Variants in BICRAL observed in about 807,000 individuals in gnomAD.
BICRAL encodes the protein BICRA like chromatin remodeling complex associated protein.
In BICRAL, 8 loss-of-function variants were observed where a neutral mutation model predicts 91.8. The ratio of observed to expected loss-of-function variants is 0.09; its 90% CI spans 0.05 to 0.16. BICRAL has a LOEUF of 0.16. Among genes scored for constraint, BICRAL ranks in the 10% least tolerant of loss-of-function variants. The probability of loss-of-function intolerance (pLI) is 1.00; values close to 1 mark genes in which losing one functional copy is unlikely to be tolerated. For synonymous variants in BICRAL, 445 were observed against 491.1 expected, an observed-to-expected ratio of 0.91 and a Z score of 1.24; for missense variants, 1,038 against 1,310.9, an observed-to-expected ratio of 0.79 and a Z score of 3.21.
At chr6:42,826,525 G>T (rs952841418) in intron 5 of BICRAL, among the ~76,000 whole-genome samples, 1 of 151,632 alleles carries the variant, frequency 6.6e-6, no homozygotes, top group African/African-American at 2.4e-5. Context: ...GTGAGCAACT[G>T]TGCCCAGCCT....
rs139136134 is a variant in BICRAL, at chr6:42,762,439, A to G, written c.-261+15416A>G. ...TTATGAAAGCTTCGCTATCTGTGAA[A>G]TCTTCACTTTTGGGAACCACTAATC... is the stretch of plus-strand genomic sequence containing the variant. On this transcript the variant is annotated intron_variant, in intron 1 of 14. Transcript: ENST00000614467. Among the ~76,000 whole-genome samples, 775 of 152,330 alleles carry G rather than the reference A, an allele frequency of 5.1e-3. 2 individuals are homozygous for G. Among genetic ancestry groups the G allele is most frequent in the African/African-American group, 0.018 (735 of 41,576 alleles).
chr6:42,779,767 C>T (rs1762859732), upstream of BICRAL, among the ~76,000 whole-genome samples: 1 of 152,036 alleles, frequency 6.6e-6, no homozygotes, highest in Admixed American at 6.5e-5. Context: ...ACTACAGGTG[C>T]ATGCCACCAT....
At chr6:42,761,602 AAAAG>A (rs1195778488) in intron 1 of BICRAL, among the ~76,000 whole-genome samples, 2 of 152,128 alleles carry the variant, frequency 1.3e-5, no homozygotes, top group Non-Finnish European at 2.9e-5. Context: ...ATAATTTTAA[AAAAG>A]AAAGAAATAT....
intron 1 of BICRAL, among the ~76,000 whole-genome samples, chr6:42,787,076 A>C (rs1277549838): frequency 6.6e-6 from 1 of 152,238 alleles, no homozygotes; most frequent in Non-Finnish European, 1.5e-5. Context: ...CAAGATCGAT[A>C]GTATCTCAGG....
At chr6:42,845,329 A>G (rs976404796) in intron 6 of BICRAL, among the ~76,000 whole-genome samples, 11 of 143,712 alleles carry the variant, frequency 7.7e-5, no homozygotes, top group Non-Finnish European at 9.0e-5. Context: ...CCCGGGTTCA[A>G]GCGATTCTCC....
Position 42,856,952 on chromosome 6 carries a change from C to T in BICRAL, c.2109-139C>T, listed in dbSNP as rs530503466. On this transcript the variant is annotated intron_variant, in intron 9 of 12. Coordinates refer to ENST00000314073, the MANE Select transcript of BICRAL (RefSeq NM_001393499.1). ...CTAGTTAAACTAAGTTATAAACCCA[C>T]TATGGTATAAAAAATATAAAACTAA... 1.8e-5 allele frequency: 12 copies of T among 671,310 alleles called. No homozygotes were observed. The South Asian group carries it at 2.0e-4, about 11-fold the overall frequency. The allele number at this position is 671,310 out of a possible 1,614,324, so 41.6% of individuals were successfully genotyped here.
At chr6:42,766,899 G>A (rs1352106742) in intron 1 of BICRAL, among the ~76,000 whole-genome samples, 1 of 152,146 alleles carries the variant, frequency 6.6e-6, no homozygotes, top group Non-Finnish European at 1.5e-5. Context: ...AATTAGCCGG[G>A]CGTGGTGGCA....
At chr6:42,793,893 G>A (rs1763347294) in intron 1 of BICRAL, among the ~76,000 whole-genome samples, 1 of 151,260 alleles carries the variant, frequency 6.6e-6, no homozygotes, top group Non-Finnish European at 1.5e-5. Flanking sequence ...ATCATGCCTG[G>A]ATAATTTTTG....
intron 2 of BICRAL, among the ~76,000 whole-genome samples, chr6:42,818,493 T>G (rs1236243401): frequency 1.3e-5 from 2 of 152,300 alleles, no homozygotes; most frequent in Middle Eastern, 3.4e-3. Context: ...GGTATTTTTC[T>G]TAGTTATTTT....
intron 1 of BICRAL, among the ~76,000 whole-genome samples, chr6:42,750,112 C>T (rs1446451619): frequency 6.6e-6 from 1 of 151,976 alleles, no homozygotes; most frequent in Non-Finnish European, 1.5e-5. Context: ...TTCTGCCCAC[C>T]TCTGCCTCCC....
intron 1 of BICRAL, among the ~76,000 whole-genome samples, chr6:42,803,046 C>A (rs1269068056): frequency 1.3e-5 from 2 of 152,144 alleles, no homozygotes; most frequent in African/African-American, 4.8e-5. Flanking sequence ...TGTTGGTATA[C>A]TCACTAGACC....
chr6:42,865,580 G>A lies in BICRAL; in HGVS notation c.*134G>A. Reference sequence around the variant, plus strand: ...CAGCCTGCTTGATCTTTCATCACAGGTTATTCTTTCTAATCTCAATCCTGT... The same window carrying A: ...CAGCCTGCTTGATCTTTCATCACAGATTATTCTTTCTAATCTCAATCCTGT... On this transcript the variant is annotated 3_prime_UTR_variant, in exon 13 of 13. Transcript: ENST00000314073. The A allele has an allele frequency of 8.2e-6, 5 of 612,710 alleles. No individual in the cohort carries two copies. In the South Asian group the frequency reaches 1.0e-4, roughly 12 times the overall value. 38.0% of individuals were successfully genotyped at this position (612,710 alleles called of 1,614,324 possible).
intron 5 of BICRAL, among the ~76,000 whole-genome samples, chr6:42,826,486 C>T (rs1396470688): frequency 6.6e-6 from 1 of 151,992 alleles, no homozygotes; most frequent in Non-Finnish European, 1.5e-5. Context: ...CCACCCGCCT[C>T]GGCCTCCCAA....
rs1206130005 is a variant in BICRAL at position 42,867,105 on chromosome 6, G to A, written c.*1659G>A. ...GTGTTGCCAGAATCTGCTTCTGGCT[G>A]TCGCCAACATGGGGATGACCCCCAT... On this transcript the variant is annotated 3_prime_UTR_variant, in exon 13 of 13. Transcript: ENST00000314073. The A allele has an allele frequency of 1.5e-5, 4 of 270,596 alleles. No homozygotes were observed. Among genetic ancestry groups the A allele is most frequent in the Admixed American group, 4.6e-5 (1 of 21,774 alleles). 16.8% of individuals were successfully genotyped at this position (270,596 alleles called of 1,614,324 possible).
At chr6:42,845,908 A>G (rs1582867915) in intron 6 of BICRAL, among the ~76,000 whole-genome samples, 2 of 42,196 alleles carry the variant, frequency 4.7e-5, no homozygotes, top group South Asian at 2.1e-3. Flanking sequence ...CTAAAAATAC[A>G]AAAAAAAAAA....
chr6:42,804,044 C>T (rs1038662299), intron 1 of BICRAL, among the ~76,000 whole-genome samples: 28 of 152,088 alleles, frequency 1.8e-4, no homozygotes, highest in African/African-American at 2.7e-4. Flanking sequence ...TTTTTTGAGA[C>T]GGAGTTTCGC....
At chr6:42,799,624 A>G (rs1562467549) in intron 1 of BICRAL, among the ~76,000 whole-genome samples, 1 of 152,172 alleles carries the variant, frequency 6.6e-6, no homozygotes, top group African/African-American at 2.4e-5. Flanking sequence ...AGAAGTGTTC[A>G]TCTTCTCCAA....
At chr6:42,789,940 T>C (rs1298457297) in intron 1 of BICRAL, among the ~76,000 whole-genome samples, 1 of 152,168 alleles carries the variant, frequency 6.6e-6, no homozygotes, top group African/African-American at 2.4e-5. Context: ...GACTCAGTAC[T>C]TGGAGAACCT....
intron 1 of BICRAL, among the ~76,000 whole-genome samples, chr6:42,784,471 A>G (rs1763044055): frequency 6.6e-6 from 1 of 152,208 alleles, no homozygotes; most frequent in Non-Finnish European, 1.5e-5. Flanking sequence ...ATAAATATAC[A>G]TAGTGGATGT....
Sources: gnomAD v4.1 joint callset for allele counts (sites outside exome capture counted in the v4.1 genomes callset) on GRCh38, gnomAD v4.1.1 for gene constraint, MANE v1.5 for transcripts, NCBI Gene and HGNC (gene_info 2026-07-23, HGNC 2026-07-21) for gene names.